Variants in RELL1 observed in about 807,000 individuals in gnomAD.
RELL1 encodes RELT-like protein 1.
RELL1 carries 10 observed loss-of-function variants against 23.0 expected under a neutral mutation model. The observed-to-expected ratio is 0.43, with a 90% CI of 0.27 to 0.74. RELL1 has a LOEUF of 0.74. Ranked by LOEUF, RELL1 falls within the 30% of genes least tolerant of loss-of-function variation. The pLI is 0.19. For missense variants in RELL1, 315 were observed against 364.4 expected, an observed-to-expected ratio of 0.86 and a Z score of 1.10; for synonymous variants, 146 against 146.8, an observed-to-expected ratio of 0.99 and a Z score of 0.04.
chr4:37,676,594 C>A (rs556663904), intron 1 of RELL1, among the ~76,000 whole-genome samples: 1 of 152,216 alleles, frequency 6.6e-6, no homozygotes, highest in South Asian at 2.1e-4. Context: ...TCATTCTTGG[C>A]AGTATTGCTT....
downstream of RELL1, among the ~76,000 whole-genome samples, chr4:37,607,286 T>A (rs73807847): frequency 0.01 from 1,591 of 152,290 alleles, 24 homozygotes; most frequent in African/African-American, 0.037. Context: ...TGTACCACTG[T>A]TAGTTTTTTA....
At chr4:37,592,202 C>T (rs180678683) in intron 6 of RELL1, among the ~76,000 whole-genome samples, 5,490 of 121,856 alleles carry the variant, frequency 0.045, 151 homozygotes, top group Middle Eastern at 0.071. Flanking sequence ...GTGCAAGACT[C>T]CATCTCAAAA....
intron 1 of RELL1, among the ~76,000 whole-genome samples, chr4:37,652,313 T>G (rs1485584410): frequency 6.6e-6 from 1 of 152,210 alleles, no homozygotes; most frequent in Non-Finnish European, 1.5e-5. Context: ...GAATTTGAAA[T>G]AGCCAGTGTT....
At chr4:37,596,736 ATTTTTT>A (rs1178565372) in intron 6 of RELL1, among the ~76,000 whole-genome samples, 97 of 16,416 alleles carry the variant, frequency 5.9e-3, no homozygotes, top group African/African-American at 0.01. Context: ...ATATATATAT[ATTTTTT>A]TTTTTTTTTT....
chr4:37,604,761 CCACACA>C (rs200811075), intron 6 of RELL1, among the ~76,000 whole-genome samples: 1 of 50,220 alleles, frequency 2.0e-5, no homozygotes, highest in African/African-American at 6.2e-5. Context: ...AAAACAAGAA[CCACACA>C]CACACACAGA....
At chr4:37,608,964 A>C (rs1424004987), downstream of RELL1, among the ~76,000 whole-genome samples, 3 of 152,224 alleles carry the variant, frequency 2.0e-5, no homozygotes, top group Non-Finnish European at 2.9e-5. Flanking sequence ...AACCATTGCC[A>C]TTATACAGAA....
chr4:37,668,628 C>T (rs1213085445), intron 1 of RELL1, among the ~76,000 whole-genome samples: 2 of 152,082 alleles, frequency 1.3e-5, no homozygotes, highest in South Asian at 2.1e-4. Context: ...AGCCTCTGCC[C>T]GGCCGCCACC....
At chr4:37,622,555 G>A (rs942902721) in intron 6 of RELL1, among the ~76,000 whole-genome samples, 5 of 152,148 alleles carry the variant, frequency 3.3e-5, no homozygotes, top group Non-Finnish European at 4.4e-5. Context: ...ACTGGAGACA[G>A]TAAAGGAATG....
At chr4:37,627,646 A>G (rs1160121949) in intron 6 of RELL1, among the ~76,000 whole-genome samples, 1 of 152,210 alleles carries the variant, frequency 6.6e-6, no homozygotes, top group Non-Finnish European at 1.5e-5. Flanking sequence ...TCTTGATAAC[A>G]TTCTATTTAG....
downstream of RELL1, among the ~76,000 whole-genome samples, chr4:37,605,835 GA>G (rs1553871671): frequency 5.4e-5 from 6 of 110,494 alleles, no homozygotes; most frequent in African/African-American, 1.4e-4. Flanking sequence ...AAGAAAGAAA[GA>G]AAGAAAGAAG....
chr4:37,598,589 C>T (rs1718939300), intron 6 of RELL1, among the ~76,000 whole-genome samples: 1 of 152,096 alleles, frequency 6.6e-6, no homozygotes, highest in Non-Finnish European at 1.5e-5. Context: ...CCATTTCACA[C>T]ATGGGAAAAT....
chr4:37,680,868 C>G (rs1251384483), intron 1 of RELL1, among the ~76,000 whole-genome samples: 1 of 145,532 alleles, frequency 6.9e-6, no homozygotes, highest in Non-Finnish European at 1.5e-5. Context: ...GGAGGCGGAG[C>G]TTGCAGTGAG....
At chr4:37,645,298 G>T (rs1318821231) in intron 3 of RELL1, among the ~76,000 whole-genome samples, 1 of 152,164 alleles carries the variant, frequency 6.6e-6, no homozygotes, top group Non-Finnish European at 1.5e-5. Context: ...AGGCAGTGAG[G>T]CGGTCATCCA....
In RELL1 at chr4:37,649,388, G is replaced by T. The variant is rs749471423; in HGVS notation, c.201C>A (p.Phe67Leu). The part of the protein sequence containing the change: ...EYIAYALVPV[F>L]FIMGLFGVLI... ...GGACGCCAAAGAGACCCATGATAAA[G>T]AACACAGGGACAAGCGCGTATGCAA... The change falls in exon 2 of 7, where the codon TTC becomes TTA. Residue 67 changes from phenylalanine (F) to leucine (L), a missense_variant. Transcript: ENST00000454158. 2 of 1,614,220 alleles carry T rather than the reference G, an allele frequency of 1.2e-6. No individual in the cohort carries two copies. The highest frequency in any genetic ancestry group is 1.7e-6 in the Non-Finnish European group (2 of 1,180,030).
At chr4:37,682,711 T>G (rs146576462) in intron 1 of RELL1, among the ~76,000 whole-genome samples, 26 of 152,300 alleles carry the variant, frequency 1.7e-4, no homozygotes, top group African/African-American at 6.0e-4. Flanking sequence ...ACACTATATA[T>G]TATGTGGATG....
intron 2 of RELL1, among the ~76,000 whole-genome samples, chr4:37,647,959 T>A (rs1387957217): frequency 6.6e-6 from 1 of 152,214 alleles, no homozygotes; most frequent in Non-Finnish European, 1.5e-5. Flanking sequence ...CAAACTCAGT[T>A]TACTTTGGGG....
At chr4:37,655,388 T>C (rs1256285482) in intron 1 of RELL1, among the ~76,000 whole-genome samples, 1 of 152,110 alleles carries the variant, frequency 6.6e-6, no homozygotes, top group East Asian at 1.9e-4. Context: ...GGTCATCTAG[T>C]TAAAATGAAG....
chr4:37,635,373 C>T (rs1372427131), intron 4 of RELL1, among the ~76,000 whole-genome samples: 21 of 152,114 alleles, frequency 1.4e-4, no homozygotes, highest in Admixed American at 1.4e-3. Flanking sequence ...TGCCTATAAT[C>T]CCAGCATTTT....
intron 5 of RELL1, among the ~76,000 whole-genome samples, chr4:37,632,824 T>G (rs1720188432): frequency 6.6e-6 from 1 of 152,226 alleles, no homozygotes; most frequent in South Asian, 2.1e-4. Context: ...TTCTAGTATA[T>G]CATCACCAAA....
Sources: gnomAD v4.1 joint callset for allele counts (sites outside exome capture counted in the v4.1 genomes callset) on GRCh38, gnomAD v4.1.1 for gene constraint, MANE v1.5 for transcripts, NCBI Gene and HGNC (gene_info 2026-07-23, HGNC 2026-07-21) for gene names.